The following GDPD4 variants were observed in gnomAD, a reference collection of about 807,000 sequenced individuals.
GDPD4 encodes the protein glycerophosphodiester phosphodiesterase domain containing 4.
In GDPD4, 60 loss-of-function variants were observed where a neutral mutation model predicts 67.8. The ratio of observed to expected loss-of-function variants is 0.88; its 90% confidence interval spans 0.72 to 1.10. GDPD4 has a LOEUF of 1.10. Ranked by LOEUF, GDPD4 falls within the 50% of genes least tolerant of loss-of-function variation. The probability of loss-of-function intolerance (pLI) is 0.00; values close to 1 mark genes in which losing one functional copy is unlikely to be tolerated. For synonymous variants in GDPD4, 212 were observed against 210.9 expected (o/e 1.00, Z -0.04); for missense variants, 623 against 613.9 (o/e 1.01, Z -0.16).
chr11:77,228,336 A>C (rs1958382803), intron 15 of GDPD4, among the ~76,000 whole-genome samples: 1 of 151,544 alleles, frequency 6.6e-6, no homozygotes, highest in Non-Finnish European at 1.5e-5. Flanking sequence ...ACCTCTACTA[A>C]AAATATTTTT....
chr11:77,295,814 A>C (rs2135898027), intron 1 of GDPD4, among the ~76,000 whole-genome samples: 1 of 152,322 alleles, frequency 6.6e-6, no homozygotes, highest in East Asian at 1.9e-4. Context: ...GACATTCCTA[A>C]GAAGTAAAAA....
In GDPD4 at chr11:77,279,540, T is replaced by TTTTTTTTTTTTTTTTTGAGAC; in HGVS notation, c.54-142_54-141insGTCTCAAAAAAAAAAAAAAAA. ...GAAGCAGTGTGTGAACAGCAGCTTT[T>TTTTTTTTTTTTTTTTTGAGAC]GCGGATAATTATATGAGGAGTTTTA... On this transcript the variant is annotated intron_variant, in intron 3 of 16. Coordinates refer to ENST00000315938, the MANE Select transcript of GDPD4 (RefSeq NM_182833.3). The TTTTTTTTTTTTTTTTTGAGAC allele has an allele frequency of 3.8e-6, 2 of 520,156 alleles. 1 individual carries two copies. 32.2% of individuals were successfully genotyped at this position (520,156 alleles called of 1,614,324 possible). A position where few individuals can be genotyped will look rare whatever the true frequency, so the allele number is the denominator to read the frequency against.
chr11:77,268,815 A>T, intron 9 of GDPD4, 109 bp downstream of exon 9: 3 of 1,128,256 alleles, frequency 2.7e-6, no homozygotes, highest in Non-Finnish European at 3.8e-6. Context: ...TTGCCATCTT[A>T]ATGCAATCAC....
chr11:77,220,241 T>C (rs975712710), intron 16 of GDPD4, among the ~76,000 whole-genome samples: 21 of 152,246 alleles, frequency 1.4e-4, no homozygotes, highest in African/African-American at 5.1e-4. Context: ...CTTCCAACAC[T>C]ATGTTGAATA....
At chr11:77,244,568 G>T (rs1958743274) in intron 12 of GDPD4, among the ~76,000 whole-genome samples, 1 of 152,058 alleles carries the variant, frequency 6.6e-6, no homozygotes. Context: ...GCTGGGTGTG[G>T]TGGCTCATGC....
intron 1 of GDPD4, among the ~76,000 whole-genome samples, chr11:77,297,537 G>GAA (rs576071684): frequency 5.5e-4 from 43 of 77,976 alleles, no homozygotes; most frequent in African/African-American, 1.3e-3. Context: ...CTCCGTCTCA[G>GAA]AAAAAAAAAA....
At chr11:77,296,088 A>G (rs1937946335) in intron 1 of GDPD4, among the ~76,000 whole-genome samples, 1 of 151,610 alleles carries the variant, frequency 6.6e-6, no homozygotes, top group South Asian at 2.1e-4. Context: ...CGTCTCTACT[A>G]AAAATACAAA....
At chr11:77,234,311 T>C (rs950910351) in intron 13 of GDPD4, among the ~76,000 whole-genome samples, 2 of 152,224 alleles carry the variant, frequency 1.3e-5, no homozygotes, top group African/African-American at 4.8e-5. Flanking sequence ...AAAAGTTACT[T>C]ATTTTTACCT....
chr11:77,252,035 TG>T (rs375058653), intron 11 of GDPD4, among the ~76,000 whole-genome samples: 6 of 146,970 alleles, frequency 4.1e-5, no homozygotes, highest in South Asian at 4.3e-4. Context: ...GGTGTCCATT[TG>T]GGTTTTTTTG....
At chr11:77,221,239 G>C (rs1198062084) in intron 16 of GDPD4, among the ~76,000 whole-genome samples, 1 of 152,078 alleles carries the variant, frequency 6.6e-6, no homozygotes, top group Non-Finnish European at 1.5e-5. Context: ...ATCTCCTTCA[G>C]TTCTGCTCTG....
Position 77,245,349 on chromosome 11 carries a change from G to A in GDPD4, c.1018C>T (p.Pro340Ser). ...FDLHRPPPKH[P>S]LRHTFVRQVV... ...TGGCGGACAAATGTGTGTCTGAGAGGATGTTTTGGTGGAGGGCGATGAAGA... is the reference window on the plus strand; with the variant it reads ...TGGCGGACAAATGTGTGTCTGAGAGAATGTTTTGGTGGAGGGCGATGAAGA... The change falls in exon 12 of 17, where the codon CCT becomes TCT. Residue 340 changes from proline (P) to serine (S), a missense_variant. Physicochemically the swap from Pro to Ser is moderately conservative, Grantham distance 74. Transcript: ENST00000315938. The A allele has an allele frequency of 6.2e-7, 1 of 1,614,150 alleles. No homozygotes were observed. The highest frequency in any genetic ancestry group is 1.1e-5 in the South Asian group (1 of 91,074).
At chr11:77,260,085 C>T (rs900327531) in intron 10 of GDPD4, among the ~76,000 whole-genome samples, 10 of 152,062 alleles carry the variant, frequency 6.6e-5, no homozygotes, top group Non-Finnish European at 1.0e-4. Flanking sequence ...CTTTGGTGGG[C>T]GGATCATGAG....
At chr11:77,283,485 A>G (rs1349709784) in intron 3 of GDPD4, among the ~76,000 whole-genome samples, 1 of 152,172 alleles carries the variant, frequency 6.6e-6, no homozygotes, top group Non-Finnish European at 1.5e-5. Flanking sequence ...TCAACTATGG[A>G]TCTCAGAGCT....
chr11:77,240,068 C>G (rs1958634463), intron 13 of GDPD4, among the ~76,000 whole-genome samples: 3 of 151,736 alleles, frequency 2.0e-5, no homozygotes, highest in African/African-American at 7.2e-5. Context: ...CAAAATTACC[C>G]AAAGCAATCT....
chr11:77,277,339 C>G (rs1258888837), intron 4 of GDPD4, among the ~76,000 whole-genome samples: 1 of 147,764 alleles, frequency 6.8e-6, no homozygotes, highest in Non-Finnish European at 1.5e-5. Flanking sequence ...ATGTCTTAGC[C>G]TTTCTTTCCA....
Position 77,233,024 on chromosome 11 carries a change from C to G in GDPD4, c.1389+1G>C. 2 of 1,613,874 alleles carry G rather than the reference C, an allele frequency of 1.2e-6. No individual in the cohort carries two copies. The highest frequency in any genetic ancestry group is 1.7e-6 in the Non-Finnish European group (2 of 1,179,804). ...AAGAACAATCTGGACAACCAGCTCA[C>G]CATGAAGAAGTGAGGGTGATCAAGC... On this transcript the variant is annotated splice_donor_variant, in intron 14 of 16. Transcript: ENST00000315938. LOFTEE classifies it high-confidence loss of function.
intron 1 of GDPD4, among the ~76,000 whole-genome samples, chr11:77,291,631 A>G (rs1052910591): frequency 6.6e-6 from 1 of 152,230 alleles, no homozygotes; most frequent in African/African-American, 2.4e-5. Context: ...GTATACAATA[A>G]ATAAGTACAA....
At chr11:77,232,624 A>G (rs990002040) in intron 14 of GDPD4, among the ~76,000 whole-genome samples, 18 of 152,174 alleles carry the variant, frequency 1.2e-4, no homozygotes, top group East Asian at 1.9e-4. Context: ...GCCGTTGTCA[A>G]TTGTTGCCAT....
intron 3 of GDPD4, among the ~76,000 whole-genome samples, chr11:77,279,950 T>C (rs572396489): frequency 3.0e-3 from 463 of 152,304 alleles, no homozygotes; most frequent in African/African-American, 0.011. Context: ...AATCTTCATC[T>C]CAAGAAAACA....
Sources: allele counts gnomAD v4.1 joint callset (sites outside exome capture counted in the v4.1 genomes callset), GRCh38; gene constraint gnomAD v4.1.1; transcripts MANE v1.5; gene names NCBI Gene and HGNC (gene_info 2026-07-23, HGNC 2026-07-21).